The following GUCY1A2 variants were observed in gnomAD, a reference collection of about 807,000 sequenced individuals.
GUCY1A2 encodes the protein guanylate cyclase soluble subunit alpha-2.
A neutral mutation model predicts 63.5 loss-of-function variants in GUCY1A2; 27 were observed. The observed-to-expected ratio is 0.43, with a 90% CI of 0.31 to 0.59. The LOEUF (loss-of-function observed/expected upper bound fraction) is 0.59. GUCY1A2 is among the 20% of genes least tolerant of loss of function. The pLI, the probability that GUCY1A2 is intolerant of heterozygous loss-of-function variation, is 0.11. For missense variants in GUCY1A2, 768 were observed against 913.3 expected (o/e 0.84, Z 2.05); for synonymous variants, 364 against 343.5 (o/e 1.06, Z -0.66).
At chr11:106,992,230 T>A (rs997879108) in intron 1 of GUCY1A2, among the ~76,000 whole-genome samples, 33 of 151,568 alleles carry the variant, frequency 2.2e-4, no homozygotes, top group African/African-American at 7.7e-4. Context: ...GGTGTTATTA[T>A]CACTAAAAAA....
chr11:106,776,884 A>T (rs1452827486), intron 5 of GUCY1A2, among the ~76,000 whole-genome samples: 1 of 152,144 alleles, frequency 6.6e-6, no homozygotes, highest in African/African-American at 2.4e-5. Context: ...TTGCCTAGAT[A>T]ATTTCCAAAT....
chr11:106,865,771 C>T (rs1443302430), intron 4 of GUCY1A2, among the ~76,000 whole-genome samples: 2 of 151,808 alleles, frequency 1.3e-5, no homozygotes, highest in African/African-American at 4.8e-5. Flanking sequence ...GCATATTGTG[C>T]ATATGCATCC....
intron 3 of GUCY1A2, among the ~76,000 whole-genome samples, chr11:106,966,447 A>G (rs1358259132): frequency 6.6e-6 from 1 of 152,048 alleles, no homozygotes. Context: ...ATCACTCTGA[A>G]GTTTTCGTAT....
At chr11:106,971,796 G>A (rs1246937571) in intron 3 of GUCY1A2, among the ~76,000 whole-genome samples, 1 of 152,124 alleles carries the variant, frequency 6.6e-6, no homozygotes, top group Non-Finnish European at 1.5e-5. Flanking sequence ...CCAATGCCCA[G>A]GTCATGGTTT....
At chr11:106,929,004 A>G (rs934985192) in intron 4 of GUCY1A2, among the ~76,000 whole-genome samples, 14 of 152,222 alleles carry the variant, frequency 9.2e-5, no homozygotes, top group African/African-American at 3.4e-4. Context: ...GAATCATGTT[A>G]TAAGTACAAT....
At chr11:106,783,862 C>T (rs1187200186) in intron 5 of GUCY1A2, among the ~76,000 whole-genome samples, 1 of 152,122 alleles carries the variant, frequency 6.6e-6, no homozygotes, top group African/African-American at 2.4e-5. Flanking sequence ...GGTGGCATCC[C>T]AGAAGGGATA....
chr11:106,694,268 C>T (rs1307147539), intron 7 of GUCY1A2, among the ~76,000 whole-genome samples: 2 of 152,144 alleles, frequency 1.3e-5, no homozygotes, highest in Non-Finnish European at 2.9e-5. Context: ...ATTTACCTTC[C>T]TGAATTTAGA....
chr11:106,858,726 T>C (rs906926877), intron 4 of GUCY1A2, among the ~76,000 whole-genome samples: 2 of 152,106 alleles, frequency 1.3e-5, no homozygotes, highest in African/African-American at 4.8e-5. Flanking sequence ...TGGTATCAAA[T>C]ATTGTTCTAG....
At chr11:106,967,086 T>C (rs1393312036) in intron 3 of GUCY1A2, among the ~76,000 whole-genome samples, 1 of 152,120 alleles carries the variant, frequency 6.6e-6, no homozygotes, top group Non-Finnish European at 1.5e-5. Flanking sequence ...GGCAATTGGG[T>C]ATTTTCAGTC....
At chr11:106,920,271 C>G (rs779416835) in intron 4 of GUCY1A2, among the ~76,000 whole-genome samples, 1 of 151,862 alleles carries the variant, frequency 6.6e-6, no homozygotes, top group South Asian at 2.1e-4. Flanking sequence ...GCAGGGAGTT[C>G]CCCAGTATAA....
intron 5 of GUCY1A2, among the ~76,000 whole-genome samples, chr11:106,781,916 C>A (rs1253057006): frequency 6.6e-6 from 1 of 152,116 alleles, no homozygotes; most frequent in Non-Finnish European, 1.5e-5. Flanking sequence ...AAAAGAATTT[C>A]TTTTAGCTCC....
chr11:106,804,022 T>G (rs1348232482), intron 5 of GUCY1A2, among the ~76,000 whole-genome samples: 2 of 152,230 alleles, frequency 1.3e-5, no homozygotes, highest in Non-Finnish European at 2.9e-5. Flanking sequence ...TTCACCTTAC[T>G]TCCTACAGCA....
intron 4 of GUCY1A2, among the ~76,000 whole-genome samples, chr11:106,867,646 G>T (rs976107227): frequency 6.6e-6 from 1 of 152,010 alleles, no homozygotes; most frequent in Non-Finnish European, 1.5e-5. Flanking sequence ...TGAATGCTAA[G>T]GACCATTATA....
At chr11:106,909,392 C>CGTGTGTGTGTGTGTGTGTGTGTGT (rs1408056529) in intron 4 of GUCY1A2, among the ~76,000 whole-genome samples, 28 of 135,666 alleles carry the variant, frequency 2.1e-4, no homozygotes, top group South Asian at 1.0e-3. Context: ...TGTGTGTGTA[C>CGTGTGTGTGTGTGTGTGTGTGTGT]GCTTTTCATT....
chr11:106,758,973 A>C (rs1285039614), intron 6 of GUCY1A2, among the ~76,000 whole-genome samples: 1 of 152,124 alleles, frequency 6.6e-6, no homozygotes, highest in Non-Finnish European at 1.5e-5. Flanking sequence ...GTCTTCTAGC[A>C]TTTCATTTAG....
At chr11:106,783,821 C>G (rs948544101) in intron 5 of GUCY1A2, among the ~76,000 whole-genome samples, 1 of 152,286 alleles carries the variant, frequency 6.6e-6, no homozygotes, top group Middle Eastern at 3.4e-3. Flanking sequence ...TTGGCCCCTA[C>G]GCATGACCTT....
intron 4 of GUCY1A2, among the ~76,000 whole-genome samples, chr11:106,904,795 G>A (rs1311442705): frequency 3.3e-5 from 5 of 151,896 alleles, no homozygotes; most frequent in Admixed American, 3.3e-4. Flanking sequence ...AGAAACATCA[G>A]ATTGCTATGA....
Position 106,940,145 on chromosome 11 carries a change from C to T in GUCY1A2, c.521G>A (p.Gly174Asp). 6.3e-7 allele frequency: 1 copy of T among 1,598,506 alleles called. No individual in the cohort carries two copies. Among genetic ancestry groups the T allele is most frequent in the Non-Finnish European group, 8.5e-7 (1 of 1,170,448 alleles). ...AAAGCATATATTAAAGAACTCTTCA[C>T]CAAATCTTTTTTGAATTTCCTCAAA... The part of the protein sequence containing the change: ...LKFEEIQKRF[G>D]EEFFNICFHE... Residue 174 changes from glycine to aspartate, a missense_variant, in exon 4 of 8, where the codon GGT becomes GAT. Transcript: ENST00000526355.
At chr11:106,704,065 A>ACTAT (rs887582935) in intron 7 of GUCY1A2, among the ~76,000 whole-genome samples, 27 of 152,124 alleles carry the variant, frequency 1.8e-4, no homozygotes, top group Non-Finnish European at 3.5e-4. Flanking sequence ...TAAACTGATT[A>ACTAT]CTATCTCAGC....
Sources: allele counts gnomAD v4.1 joint callset (sites outside exome capture counted in the v4.1 genomes callset), GRCh38; gene constraint gnomAD v4.1.1; transcripts MANE v1.5; gene names NCBI Gene and HGNC (gene_info 2026-07-23, HGNC 2026-07-21).